Variants in C13orf42 observed in about 807,000 individuals in gnomAD.
C13orf42 encodes the protein chromosome 13 open reading frame 42.
At chr13:51,131,582 T>TCATAGGTATTTGAGGGTACAAATC (rs1442310001) in intron 1 of C13orf42, among the ~76,000 whole-genome samples, 1 of 152,236 alleles carries the variant, frequency 6.6e-6, no homozygotes, top group Non-Finnish European at 1.5e-5. Flanking sequence ...GTTACTCAAC[T>TCATAGGTATTTGAGGGTACAAATC]CATAGGTATT....
intron 1 of C13orf42, among the ~76,000 whole-genome samples, chr13:51,110,211 C>T (rs1953412101): frequency 1.3e-5 from 2 of 152,156 alleles, no homozygotes; most frequent in Admixed American, 1.3e-4. Flanking sequence ...TCACTTTTCA[C>T]CAGGATTTTT....
At position 51,093,043 on chromosome 13, in the gene C13orf42, A is replaced by C. The variant is rs1334214744; in HGVS notation, c.415-4968T>G. On this transcript the variant is annotated intron_variant, in intron 1 of 3. Transcript: ENST00000563710. Reference sequence around the variant, plus strand: ...ATCCACAATATTATTATACTCAACAAAACTGATAATTTCTTAATATCAGGA... The same window carrying C: ...ATCCACAATATTATTATACTCAACACAACTGATAATTTCTTAATATCAGGA... 5.3e-5 allele frequency among the ~76,000 whole-genome samples: 8 copies of C among 152,310 alleles called. No homozygotes were observed. In the East Asian group the frequency reaches 1.3e-3, roughly 26 times the overall value.
At chr13:51,139,402 T>C (rs1407315455) in intron 1 of C13orf42, among the ~76,000 whole-genome samples, 1 of 152,030 alleles carries the variant, frequency 6.6e-6, no homozygotes, top group Non-Finnish European at 1.5e-5. Context: ...AAAAGAAGAA[T>C]TGCTAATCAA....
At chr13:51,086,728 T>A in intron 2 of C13orf42, among the ~76,000 whole-genome samples, 1 of 152,208 alleles carries the variant, frequency 6.6e-6, no homozygotes, top group East Asian at 1.9e-4. Flanking sequence ...ATTATAACTC[T>A]GAAAATGACC....
At position 51,109,988 on chromosome 13, in the gene C13orf42, A is replaced by G. The variant is rs1593537326; in HGVS notation, c.414+808T>C. On this transcript the variant is annotated intron_variant, in intron 1 of 3. Coordinates refer to ENST00000563710, the MANE Select transcript of C13orf42 (RefSeq NM_001351589.3). ...ATAAACAAAGAGATAAATGCAAATT[A>G]TTTCTTTCACTCATTTCATGCTTGT... 3.3e-5 allele frequency among the ~76,000 whole-genome samples: 5 copies of G among 152,298 alleles called. No homozygotes were observed. The South Asian group carries it at 1.0e-3, about 32-fold the overall frequency.
intron 1 of C13orf42, among the ~76,000 whole-genome samples, chr13:51,171,562 G>C (rs576334372): frequency 6.6e-6 from 1 of 151,898 alleles, no homozygotes; most frequent in African/African-American, 2.4e-5. Flanking sequence ...TGGCCAGGCC[G>C]AGCTAGGTCC....
chr13:51,105,124 A>C (rs1953338377), intron 1 of C13orf42, among the ~76,000 whole-genome samples: 1 of 152,124 alleles, frequency 6.6e-6, no homozygotes. Flanking sequence ...GCCATTGGGA[A>C]GGGTGTGTGA....
At chr13:51,099,268 T>C (rs1953263432) in intron 1 of C13orf42, among the ~76,000 whole-genome samples, 1 of 152,144 alleles carries the variant, frequency 6.6e-6, no homozygotes, top group Non-Finnish European at 1.5e-5. Context: ...TGGGAGTTTA[T>C]GAAACAAGAA....
At chr13:51,087,261 C>A (rs2137974391) in intron 2 of C13orf42, among the ~76,000 whole-genome samples, 1 of 152,302 alleles carries the variant, frequency 6.6e-6, no homozygotes, top group East Asian at 1.9e-4. Context: ...CAGGCCTCAC[C>A]CCACTCCAGC....
chr13:51,113,436 G>A (rs949281762), upstream of C13orf42, among the ~76,000 whole-genome samples: 2 of 152,178 alleles, frequency 1.3e-5, no homozygotes, highest in Admixed American at 6.5e-5. Context: ...CAAAATACTC[G>A]TCACCTCTGC....
At chr13:51,167,770 C>T (rs952300050) in intron 1 of C13orf42, among the ~76,000 whole-genome samples, 3 of 152,078 alleles carry the variant, frequency 2.0e-5, no homozygotes, top group Non-Finnish European at 4.4e-5. Context: ...CTGATTGGGC[C>T]TCGGCTAATC....
intron 1 of C13orf42, among the ~76,000 whole-genome samples, chr13:51,098,661 A>G (rs1228222196): frequency 2.0e-5 from 3 of 152,166 alleles, no homozygotes; most frequent in Non-Finnish European, 4.4e-5. Flanking sequence ...GACAGGTTGT[A>G]GGATATTCAC....
At chr13:51,169,163 T>C (rs1395934428) in intron 1 of C13orf42, among the ~76,000 whole-genome samples, 2 of 152,032 alleles carry the variant, frequency 1.3e-5, no homozygotes, top group Non-Finnish European at 2.9e-5. Context: ...ATTAGAACAG[T>C]TTAGAGGGCT....
chr13:51,148,917 T>C (rs976061586), intron 1 of C13orf42, among the ~76,000 whole-genome samples: 1 of 152,210 alleles, frequency 6.6e-6, no homozygotes, highest in African/African-American at 2.4e-5. Context: ...TGCAGGCAGC[T>C]GCTCCTTCCT....
At chr13:51,138,447 A>G (rs2138027941) in intron 1 of C13orf42, among the ~76,000 whole-genome samples, 1 of 152,364 alleles carries the variant, frequency 6.6e-6, no homozygotes, top group African/African-American at 2.4e-5. Flanking sequence ...GAAGACATGC[A>G]TATGACCAAT....
rs1234267611 is a variant in C13orf42, at chr13:51,084,072, C to T, written c.*79G>A. 2.5e-6 allele frequency: 1 copy of T among 397,860 alleles called. No individual in the cohort carries two copies. Among genetic ancestry groups the T allele is most frequent in the Non-Finnish European group, 4.4e-6 (1 of 225,948 alleles). The allele number at this position is 397,860 out of a possible 1,614,324, so 24.6% of individuals were successfully genotyped here. On this transcript the variant is annotated 3_prime_UTR_variant, in exon 4 of 4. Coordinates refer to ENST00000563710, the MANE Select transcript of C13orf42 (RefSeq NM_001351589.3). The stretch of plus-strand genomic sequence containing the variant: ...GTTACAATTGGCATTTTCAACTCTA[C>T]CAAATACCTCATGCTGCGCTGAAAG...
At chr13:51,113,809 T>C (rs1953459294), upstream of C13orf42, among the ~76,000 whole-genome samples, 2 of 152,102 alleles carry the variant, frequency 1.3e-5, no homozygotes, top group African/African-American at 4.8e-5. Context: ...TTTTTACACA[T>C]TGTGGAATGC....
At chr13:51,146,173 A>G (rs557574834) in intron 1 of C13orf42, among the ~76,000 whole-genome samples, 27 of 138,298 alleles carry the variant, frequency 2.0e-4, no homozygotes, top group African/African-American at 6.9e-4. Flanking sequence ...AATAATATAA[A>G]TATATAAAAG....
intron 1 of C13orf42, among the ~76,000 whole-genome samples, chr13:51,127,865 T>C (rs1027283468): frequency 6.6e-6 from 1 of 152,084 alleles, no homozygotes; most frequent in African/African-American, 2.4e-5. Context: ...CTGGGTAAAA[T>C]GAGGCTGAGA....
Sources: allele counts gnomAD v4.1 joint callset (sites outside exome capture counted in the v4.1 genomes callset), GRCh38; gene constraint gnomAD v4.1.1; transcripts MANE v1.5; gene names NCBI Gene and HGNC (gene_info 2026-07-23, HGNC 2026-07-21).